The following TMEM179 variants were observed in gnomAD, a reference collection of about 807,000 sequenced individuals.
The protein encoded by TMEM179 is transmembrane protein 179.
In TMEM179, 17 loss-of-function variants were observed where a neutral mutation model predicts 22.2. The ratio of observed to expected loss-of-function variants is 0.77; its 90% confidence interval spans 0.52 to 1.15. The LOEUF is 1.15. TMEM179 is among the 50% of genes most tolerant of loss of function. TMEM179 has a pLI of 0.00. For missense variants in TMEM179, 265 were observed against 313.6 expected, an observed-to-expected ratio of 0.84 and a Z score of 1.17; for synonymous variants, 127 against 140.5, an observed-to-expected ratio of 0.90 and a Z score of 0.68.
intron 1 of TMEM179, among the ~76,000 whole-genome samples, chr14:104,600,315 C>A (rs1887191902): frequency 6.6e-6 from 1 of 152,228 alleles, no homozygotes; most frequent in Non-Finnish European, 1.5e-5. Flanking sequence ...CTCTTCACTG[C>A]CGCTCAGGGT....
rs1422108828 is a variant in TMEM179, at chr14:104,604,392, TG to T, written c.305+44del. ...CCCGGGGAGGTGGGTCTGGGGGCGC[TG>T]GGGGCATGGAAGGGGCGCCGCGCCG... On this transcript the variant is annotated intron_variant, in intron 1 of 3. Coordinates refer to ENST00000556573, the MANE Select transcript of TMEM179 (RefSeq NM_001286389.2). This position sits in a 1 kb window ranked among gnomAD's most constrained non-coding sequence, Gnocchi z 4.6. 6.9e-6 allele frequency: 10 copies of T among 1,447,410 alleles called. 1 individual carries two copies. The highest frequency in any genetic ancestry group is 1.5e-5 in the African/African-American group (1 of 67,298). The allele number at this position is 1,447,410 out of a possible 1,614,324, so 89.7% of individuals were successfully genotyped here.
At position 104,591,470 on chromosome 14, in the gene TMEM179, C is replaced by T; in HGVS notation, c.*2009G>A. ...CAGGGCTGGAAGGGGAGACAGGGGA[C>T]CCCATCAGCTTAGGGGGCCTCGGAT... is the stretch of plus-strand genomic sequence containing the variant. On this transcript the variant is annotated 3_prime_UTR_variant, in exon 4 of 4. Transcript: ENST00000556573. 2 of 454,818 alleles carry T rather than the reference C, an allele frequency of 4.4e-6. No homozygotes were observed. The highest frequency in any genetic ancestry group is 8.8e-6 in the Non-Finnish European group (2 of 226,202). 28.2% of individuals were successfully genotyped at this position (454,818 alleles called of 1,614,324 possible).
chr14:104,594,406 C>G (rs1236473435), intron 3 of TMEM179: 1 of 1,231,664 alleles, frequency 8.1e-7, no homozygotes, highest in African/African-American at 1.6e-5. Flanking sequence ...CTGAAGCCAG[C>G]GGGCCCTGAT....
chr14:104,602,005 C>T (rs1887255181), intron 1 of TMEM179, among the ~76,000 whole-genome samples: 1 of 152,152 alleles, frequency 6.6e-6, no homozygotes, highest in Admixed American at 6.5e-5. Flanking sequence ...GCCGGCTCCA[C>T]CCCTTGGGAG....
intron 1 of TMEM179, among the ~76,000 whole-genome samples, chr14:104,600,601 TTCATTCATTTAC>T (rs1264640821): frequency 1.3e-5 from 2 of 152,170 alleles, no homozygotes; most frequent in African/African-American, 2.4e-5. Flanking sequence ...CATTCATTCA[TTCATTCATTTAC>T]TCATTCATTC....
chr14:104,596,960 C>T lies in TMEM179; in HGVS notation c.443+30G>A, dbSNP rs781248777. On this transcript the variant is annotated intron_variant, in intron 2 of 3. Coordinates refer to ENST00000556573, the MANE Select transcript of TMEM179 (RefSeq NM_001286389.2). ...TCAAGGGATCTTCCGGGGAGGTGGGCGGAGGCCGAGGCGGGTGGGGCGGGC... is the reference window on the plus strand; with the variant it reads ...TCAAGGGATCTTCCGGGGAGGTGGGTGGAGGCCGAGGCGGGTGGGGCGGGC... The T allele has an allele frequency of 2.6e-6, 4 of 1,545,076 alleles. No individual in the cohort carries two copies. In the South Asian group the frequency reaches 3.4e-5, roughly 13 times the overall value.
Position 104,597,272 on chromosome 14 carries a change from C to A in TMEM179, c.306-145G>T. On this transcript the variant is annotated intron_variant, in intron 1 of 3. Transcript: ENST00000556573. The surrounding 1 kb of genome is among the most constrained non-coding windows in gnomAD (Gnocchi z 4.8). ...CCCCACCAGCAGCACCCCCCGGACC[C>A]TCAGGATTCCTGGGTTGGGCCCTGT... The A allele has an allele frequency of 8.4e-7, 1 of 1,183,478 alleles. No homozygotes were observed. Among genetic ancestry groups the A allele is most frequent in the Non-Finnish European group, 1.2e-6 (1 of 866,292 alleles). The allele number at this position is 1,183,478 out of a possible 1,614,324, so 73.3% of individuals were successfully genotyped here.
In TMEM179 at chr14:104,596,982, G is replaced by A. The variant is rs753077255; in HGVS notation, c.443+8C>T. 32 of 1,599,436 alleles carry A rather than the reference G, an allele frequency of 2.0e-5. No homozygotes were observed. Among genetic ancestry groups the A allele is most frequent in the East Asian group, 4.5e-5 (2 of 44,764 alleles). ...GGGCGGAGGCCGAGGCGGGTGGGGC[G>A]GGCGCACCTGTGGGGTACGGTGCCC... On this transcript the variant is annotated splice_region_variant and intron_variant, in intron 2 of 3. Coordinates refer to ENST00000556573, the MANE Select transcript of TMEM179 (RefSeq NM_001286389.2).
At chr14:104,598,802 G>C (rs761848869) in intron 1 of TMEM179, among the ~76,000 whole-genome samples, 8 of 152,242 alleles carry the variant, frequency 5.3e-5, no homozygotes, top group Non-Finnish European at 1.2e-4. Flanking sequence ...CCCCAGGAAC[G>C]GGAGGGTTTG....
In TMEM179 at chr14:104,597,716, G is replaced by C. The variant is rs7144812; in HGVS notation, c.306-589C>G. ...TCGAACCTGGATCCCAGCCTGGATC[G>C]CAGACCTCTAGCCTCCGGAAGTGTG... On this transcript the variant is annotated intron_variant, in intron 1 of 3. Transcript: ENST00000556573. The surrounding 1 kb of genome is among the most constrained non-coding windows in gnomAD (Gnocchi z 4.8). 0.15 allele frequency among the ~76,000 whole-genome samples: 22,660 copies of C among 152,108 alleles called. 2,233 individuals are homozygous for C. The highest frequency in any genetic ancestry group is 0.28 in the African/African-American group (11,625 of 41,424).
chr14:104,598,655 C>T (rs2140491349), intron 1 of TMEM179, among the ~76,000 whole-genome samples: 1 of 152,344 alleles, frequency 6.6e-6, no homozygotes, highest in Admixed American at 6.5e-5. Context: ...TGAGGATAAA[C>T]CCAGGCCACA....
At chr14:104,602,671 G>A (rs548574725) in intron 1 of TMEM179, among the ~76,000 whole-genome samples, 18 of 152,314 alleles carry the variant, frequency 1.2e-4, no homozygotes, top group Non-Finnish European at 2.4e-4. Flanking sequence ...TGGGCTGAGG[G>A]AAGGAGGACG....
At chr14:104,603,522 TTCACAGAGGGAGTGGGTGGGC>T (rs1243878639) in intron 1 of TMEM179, among the ~76,000 whole-genome samples, 39 of 110,054 alleles carry the variant, frequency 3.5e-4, no homozygotes, top group African/African-American at 8.3e-4. Context: ...AGTGGGTGGG[TTCACAGAGGGAGTGGGTGGGC>T]TCACAGAGGG....
rs1455490312 is a variant in TMEM179 at position 104,597,875 on chromosome 14, A to G, written c.306-748T>C. 6.6e-6 allele frequency among the ~76,000 whole-genome samples: 1 copy of G among 152,158 alleles called. No homozygotes were observed. The highest frequency in any genetic ancestry group is 1.5e-5 in the Non-Finnish European group (1 of 68,008). On this transcript the variant is annotated intron_variant, in intron 1 of 3. Transcript: ENST00000556573. The surrounding 1 kb of genome is among the most constrained non-coding windows in gnomAD (Gnocchi z 4.8). ...TGGGCCAGCTCTGATTTATCCATTT[A>G]AACTTAAAAGGCCAGGCTGTGATTG...
chr14:104,594,822 T>C, intron 3 of TMEM179: 1 of 1,275,210 alleles, frequency 7.8e-7, no homozygotes, highest in South Asian at 2.1e-5. Context: ...AAAGCCCTTG[T>C]CCCTACACTG....
rs1046705005 is a variant in TMEM179 at position 104,597,816 on chromosome 14, C to T, written c.306-689G>A. 2.0e-5 allele frequency among the ~76,000 whole-genome samples: 3 copies of T among 152,312 alleles called. No individual in the cohort carries two copies. The highest frequency in any genetic ancestry group is 3.4e-3 in the Middle Eastern group (1 of 294). The stretch of plus-strand genomic sequence containing the variant: ...CTTCCATTCACCCGCAGGTCATCAG[C>T]GCGTGGCCTGGACCCCTGGTAGGAC... On this transcript the variant is annotated intron_variant, in intron 1 of 3. Coordinates refer to ENST00000556573, the MANE Select transcript of TMEM179 (RefSeq NM_001286389.2). This position sits in a 1 kb window ranked among gnomAD's most constrained non-coding sequence, Gnocchi z 4.8.
chr14:104,591,277 C>T lies in TMEM179; in HGVS notation c.*2202G>A, dbSNP rs1886835447. The T allele has an allele frequency of 2.3e-6, 1 of 437,888 alleles. No homozygotes were observed. The highest frequency in any genetic ancestry group is 4.5e-6 in the Non-Finnish European group (1 of 219,910). 27.1% of individuals were successfully genotyped at this position (437,888 alleles called of 1,614,324 possible). ...AGAACAGACCCAACCGGGGCCAAGC[C>T]TCAGGTTCCAGAAGCCACCCCTGCC... On this transcript the variant is annotated 3_prime_UTR_variant, in exon 4 of 4. Coordinates refer to ENST00000556573, the MANE Select transcript of TMEM179 (RefSeq NM_001286389.2).
At position 104,595,210 on chromosome 14, in the gene TMEM179, C is replaced by CAGCT. The variant is rs1886978685; in HGVS notation, c.473_476dup (p.Gly160AlafsTer175). On this transcript the variant is annotated frameshift_variant, in exon 3 of 4. Coordinates refer to ENST00000556573, the MANE Select transcript of TMEM179 (RefSeq NM_001286389.2). LOFTEE classifies it high-confidence loss of function. The surrounding 1 kb of genome is among the most constrained non-coding windows in gnomAD (Gnocchi z 5.7). ...CGTAGAAGGCGGAGTTGTCCACGCC[C>CAGCT]AGCTCCAAGTCGATGTCCTGGAGCT... is the stretch of plus-strand genomic sequence containing the variant. 2 of 1,613,492 alleles carry CAGCT rather than the reference C, an allele frequency of 1.2e-6. No homozygotes were observed. Among genetic ancestry groups the CAGCT allele is most frequent in the Non-Finnish European group, 1.7e-6 (2 of 1,179,948 alleles).
rs552460663 is a variant in TMEM179, at chr14:104,591,986, G to A, written c.*1493C>T. ...AGCAGCCCCCTACGCCGGGGTCCCA[G>A]GTTCACATCCCAGCTCCTCCACTTG... On this transcript the variant is annotated 3_prime_UTR_variant, in exon 4 of 4. Coordinates refer to ENST00000556573, the MANE Select transcript of TMEM179 (RefSeq NM_001286389.2). The A allele has an allele frequency of 6.4e-6, 1 of 157,422 alleles. No individual in the cohort carries two copies. The highest frequency in any genetic ancestry group is 1.9e-4 in the South Asian group (1 of 5,338). The allele number at this position is 157,422 out of a possible 1,614,324, so 9.8% of individuals were successfully genotyped here. A position where few individuals can be genotyped will look rare whatever the true frequency, so the allele number is the denominator to read the frequency against.
Sources: gnomAD v4.1 joint callset for allele counts (sites outside exome capture counted in the v4.1 genomes callset) on GRCh38, gnomAD v4.1.1 for gene constraint, Gnocchi (gnomAD v3.1) non-coding constraint, MANE v1.5 for transcripts, NCBI Gene and HGNC (gene_info 2026-07-23, HGNC 2026-07-21) for gene names.